The following TMEM132D variants were observed in gnomAD, a reference collection of about 807,000 sequenced individuals.
TMEM132D encodes the protein transmembrane protein 132D.
A neutral mutation model predicts 62.3 loss-of-function variants in TMEM132D; 21 were observed. The observed-to-expected ratio is 0.34, with a 90% CI of 0.24 to 0.49. The LOEUF is 0.49. TMEM132D is among the 20% of genes least tolerant of loss of function. The probability of loss-of-function intolerance (pLI) is 0.99; values close to 1 mark genes in which losing one functional copy is unlikely to be tolerated. For missense variants in TMEM132D, 1,346 were observed against 1,402.8 expected, an observed-to-expected ratio of 0.96 and a Z score of 0.65; for synonymous variants, 621 against 575.6, an observed-to-expected ratio of 1.08 and a Z score of -1.13.
At chr12:129,783,223 C>G (rs1871168735) in intron 1 of TMEM132D, among the ~76,000 whole-genome samples, 1 of 152,090 alleles carries the variant, frequency 6.6e-6, no homozygotes, top group South Asian at 2.1e-4. Context: ...AATGTACAAC[C>G]CTGAGAGCCC....
At chr12:129,089,866 G>A (rs1421292203) in intron 5 of TMEM132D, among the ~76,000 whole-genome samples, 2 of 152,228 alleles carry the variant, frequency 1.3e-5, no homozygotes, top group African/African-American at 2.4e-5. Context: ...GCCCAAGTGG[G>A]CGCCTGTGGC....
chr12:129,125,500 G>GTT (rs397850884), intron 5 of TMEM132D, among the ~76,000 whole-genome samples: 24 of 53,924 alleles, frequency 4.5e-4, no homozygotes, highest in African/African-American at 1.2e-3. Flanking sequence ...ATTACTATGA[G>GTT]TTTTTTTTTT....
intron 2 of TMEM132D, among the ~76,000 whole-genome samples, chr12:129,586,075 G>A (rs1462711014): frequency 2.0e-5 from 3 of 151,044 alleles, no homozygotes; most frequent in Non-Finnish European, 4.4e-5. Context: ...GCAGAACCAG[G>A]CACACATTGT....
rs114643102 is a variant in TMEM132D at position 129,647,366 on chromosome 12, G to A, written c.968+52444C>T. Among the ~76,000 whole-genome samples, 515 of 149,506 alleles carry A rather than the reference G, an allele frequency of 3.4e-3. 2 individuals are homozygous for A. The highest frequency in any genetic ancestry group is 0.012 in the African/African-American group (496 of 40,542). ...TGAGACTTTGATGCATTCTTTCCTC[G>A]AGGGATGCTTAGGTTGTTTCCAAGC... On this transcript the variant is annotated intron_variant, in intron 2 of 8. Transcript: ENST00000422113.
intron 2 of TMEM132D, among the ~76,000 whole-genome samples, chr12:129,642,633 A>T (rs12828837): frequency 2.0e-5 from 3 of 151,904 alleles, no homozygotes; most frequent in Admixed American, 6.6e-5. Flanking sequence ...CTTATTCTTC[A>T]TTTACTATAA....
Position 129,779,342 on chromosome 12 carries a change from G to T in TMEM132D, c.80-78644C>A, listed in dbSNP as rs1871045858. Among the ~76,000 whole-genome samples the T allele has an allele frequency of 6.6e-6, 1 of 152,196 alleles. No homozygotes were observed. The highest frequency in any genetic ancestry group is 2.1e-4 in the South Asian group (1 of 4,828). On this transcript the variant is annotated intron_variant, in intron 1 of 8. Transcript: ENST00000422113. The surrounding 1 kb of genome is among the most constrained non-coding windows in gnomAD (Gnocchi z 4.1). ...CTCACTTTGTCGCCCAGGCTGGAGAGCAGTGGTGTTATCTCTGCTCACTAC... is the reference window on the plus strand; with the variant it reads ...CTCACTTTGTCGCCCAGGCTGGAGATCAGTGGTGTTATCTCTGCTCACTAC...
Position 129,337,747 on chromosome 12 carries a change from T to C in TMEM132D, c.1186A>G (p.Thr396Ala). 1 of 1,614,172 alleles carries C rather than the reference T, an allele frequency of 6.2e-7. No individual in the cohort carries two copies. Among genetic ancestry groups the C allele is most frequent in the Non-Finnish European group, 8.5e-7 (1 of 1,180,006 alleles). ...EVEEPGDLPA[T>A]QLVTWQVEYP... ...TCGACCTGCCACGTGACCAGCTGTG[T>C]GGCTGGCAGGTCACCAGGCTCTTCC... Residue 396 changes from threonine (T) to alanine (A), a missense_variant, in exon 4 of 9, where the codon ACA becomes GCA. Coordinates refer to ENST00000422113, the MANE Select transcript of TMEM132D (RefSeq NM_133448.3).
intron 4 of TMEM132D, among the ~76,000 whole-genome samples, chr12:129,243,478 TG>T (rs1414578188): frequency 1.3e-5 from 2 of 152,186 alleles, no homozygotes; most frequent in African/African-American, 4.8e-5. Flanking sequence ...TTAGAAGCTC[TG>T]GGGGTGCAGA....
At chr12:129,678,839 T>C (rs1314547865) in intron 2 of TMEM132D, among the ~76,000 whole-genome samples, 1 of 152,088 alleles carries the variant, frequency 6.6e-6, no homozygotes, top group African/African-American at 2.4e-5. Context: ...TTTTTCTCAT[T>C]TGGATAATTA....
At chr12:129,765,187 T>C (rs937752728) in intron 1 of TMEM132D, among the ~76,000 whole-genome samples, 2 of 152,220 alleles carry the variant, frequency 1.3e-5, no homozygotes, top group African/African-American at 4.8e-5. Context: ...GAGGGCATCC[T>C]TCAGTTATCT....
At chr12:129,549,175 G>C (rs180792653) in intron 2 of TMEM132D, among the ~76,000 whole-genome samples, 45 of 146,888 alleles carry the variant, frequency 3.1e-4, no homozygotes, top group African/African-American at 1.1e-3. Context: ...TACTGTTCTC[G>C]TGGTAGTGAA....
At chr12:129,136,908 TCATCAC>T (rs1394829677) in intron 5 of TMEM132D, among the ~76,000 whole-genome samples, 1 of 148,742 alleles carries the variant, frequency 6.7e-6, no homozygotes, top group Non-Finnish European at 1.5e-5. Flanking sequence ...ATCACCATCA[TCATCAC>T]CATACCACCA....
chr12:129,899,266 T>TGCAC (rs1875256299), intron 1 of TMEM132D, among the ~76,000 whole-genome samples: 3 of 141,892 alleles, frequency 2.1e-5, no homozygotes, highest in Non-Finnish European at 4.6e-5. Flanking sequence ...GATGGATGGA[T>TGCAC]GGATGGATGG....
At chr12:129,656,431 G>T (rs1272170173) in intron 2 of TMEM132D, among the ~76,000 whole-genome samples, 2 of 152,092 alleles carry the variant, frequency 1.3e-5, no homozygotes, top group African/African-American at 4.8e-5. Context: ...TGAACTCAAG[G>T]GTTTGAAAGC....
At chr12:129,846,800 G>C (rs184513575) in intron 1 of TMEM132D, among the ~76,000 whole-genome samples, 19 of 152,140 alleles carry the variant, frequency 1.2e-4, no homozygotes, top group Admixed American at 1.1e-3. Flanking sequence ...ATTTTTATTT[G>C]ATTCTTTGTA....
At position 129,224,431 on chromosome 12, in the gene TMEM132D, G is replaced by A. The variant is rs181649457; in HGVS notation, c.1300-14768C>T. Among the ~76,000 whole-genome samples the A allele has an allele frequency of 9.2e-3, 1,394 of 152,184 alleles. 7 individuals are homozygous for A. Among genetic ancestry groups the A allele is most frequent in the Non-Finnish European group, 0.013 (898 of 68,002 alleles). ...GGAGAAATTTTCAAAATGCAGAAACGAATGCAAAAATTCTTGATTTTCTTG... is the reference window on the plus strand; with the variant it reads ...GGAGAAATTTTCAAAATGCAGAAACAAATGCAAAAATTCTTGATTTTCTTG... On this transcript the variant is annotated intron_variant, in intron 4 of 8. Coordinates refer to ENST00000422113, the MANE Select transcript of TMEM132D (RefSeq NM_133448.3).
At chr12:129,162,507 T>C (rs781281857) in intron 5 of TMEM132D, among the ~76,000 whole-genome samples, 5 of 152,190 alleles carry the variant, frequency 3.3e-5, no homozygotes, top group Non-Finnish European at 5.9e-5. Flanking sequence ...TGATGCAGTT[T>C]GGATGTCCCC....
chr12:129,608,846 A>G (rs1049685146), intron 2 of TMEM132D, among the ~76,000 whole-genome samples: 1 of 152,132 alleles, frequency 6.6e-6, no homozygotes, highest in Non-Finnish European at 1.5e-5. Context: ...CTCGCACTCA[A>G]ATTGCCTGGT....
intron 2 of TMEM132D, among the ~76,000 whole-genome samples, chr12:129,660,623 T>A (rs1295604728): frequency 6.6e-6 from 1 of 152,152 alleles, no homozygotes; most frequent in Non-Finnish European, 1.5e-5. Flanking sequence ...TCAGTCGCCA[T>A]GAAGCCTGCA....
Sources: allele counts gnomAD v4.1 joint callset (sites outside exome capture counted in the v4.1 genomes callset), GRCh38; gene constraint gnomAD v4.1.1; non-coding constraint Gnocchi (gnomAD v3.1); transcripts MANE v1.5; gene names NCBI Gene and HGNC (gene_info 2026-07-23, HGNC 2026-07-21).